The following PTPRD variants were observed in gnomAD, a reference collection of about 807,000 sequenced individuals.
PTPRD encodes receptor-type tyrosine-protein phosphatase delta.
In PTPRD, 34 loss-of-function variants were observed where a neutral mutation model predicts 214.5. That is an observed-to-expected ratio of 0.16 (90% CI 0.12 to 0.21). PTPRD has a LOEUF of 0.21. Among genes scored for constraint, PTPRD ranks in the 10% least tolerant of loss-of-function variants. PTPRD has a pLI of 1.00. For synonymous variants in PTPRD, 1,128 were observed against 845.7 expected, an observed-to-expected ratio of 1.33 and a Z score of -5.79; for missense variants, 2,545 against 2,398.7, an observed-to-expected ratio of 1.06 and a Z score of -1.27.
chr9:8,927,865 A>T (rs1227332575), intron 11 of PTPRD, among the ~76,000 whole-genome samples: 1 of 152,146 alleles, frequency 6.6e-6, no homozygotes, highest in East Asian at 1.9e-4. Flanking sequence ...CCTCTCCAGC[A>T]TCTGTTGTTT....
chr9:8,581,794 G>C (rs895233833), intron 14 of PTPRD, among the ~76,000 whole-genome samples: 1 of 148,454 alleles, frequency 6.7e-6, no homozygotes, highest in South Asian at 2.2e-4. Flanking sequence ...GGGAGGGGAG[G>C]AGAGGTGAGG....
rs759466922 is a variant in PTPRD at position 8,376,772 on chromosome 9, CTCTATTAACT to C, written c.4387-56_4387-47del. 2.8e-5 allele frequency: 45 copies of C among 1,605,210 alleles called. No homozygotes were observed. The East Asian group carries it at 5.8e-4, about 21-fold the overall frequency. On this transcript the variant is annotated intron_variant, in intron 37 of 45. Coordinates refer to ENST00000381196, the MANE Select transcript of PTPRD (RefSeq NM_002839.4). ...ATTCAGGGCAAATGCTCATCAATTT[CTCTATTAACT>C]TTGCTTTGAGTTGCTGTTGAAGGAA...
chr9:8,524,304 G>A lies in PTPRD; in HGVS notation c.679+621C>T, dbSNP rs137958473. Among the ~76,000 whole-genome samples the A allele has an allele frequency of 4.6e-3, 695 of 151,944 alleles. 13 individuals are homozygous for A. Among genetic ancestry groups the A allele is most frequent in the Admixed American group, 3.2e-3 (49 of 15,262 alleles). On this transcript the variant is annotated intron_variant, in intron 18 of 45. Transcript: ENST00000381196. ...TTGCAATCAAAAAACTAAATGTTTC[G>A]GTAAGTCTTAATAATTCAAACAAAA... is the stretch of plus-strand genomic sequence containing the variant.
chr9:9,793,569 T>G lies in PTPRD; in HGVS notation c.-367-26718A>C, dbSNP rs572532500. Among the ~76,000 whole-genome samples, 4 of 152,266 alleles carry G rather than the reference T, an allele frequency of 2.6e-5. No homozygotes were observed. In the South Asian group the frequency reaches 8.3e-4, roughly 32 times the overall value. ...TTTTATGCTGTTAAGAAAGATTATC[T>G]CTGTTAGTAAAAAGCATAAATTATT... On this transcript the variant is annotated intron_variant, in intron 5 of 45. Coordinates refer to ENST00000381196, the MANE Select transcript of PTPRD (RefSeq NM_002839.4).
intron 5 of PTPRD, among the ~76,000 whole-genome samples, chr9:9,813,784 A>T (rs1473895361): frequency 6.6e-6 from 1 of 152,136 alleles, no homozygotes. Context: ...TTACCCTCAT[A>T]CCAAACCCAG....
chr9:8,973,016 A>AG (rs1438664965), intron 11 of PTPRD, among the ~76,000 whole-genome samples: 1 of 151,792 alleles, frequency 6.6e-6, no homozygotes, highest in African/African-American at 2.4e-5. Context: ...GGGAGAAAAA[A>AG]AAAAAACACT....
chr9:9,207,461 G>A lies in PTPRD; in HGVS notation c.-202-24098C>T, dbSNP rs953334054. Reference sequence around the variant, plus strand: ...AATAGACAAATGAGTTAGGGAAACAGTTCAAAGAAAAAAAAGCCAAATAAA... The same window carrying A: ...AATAGACAAATGAGTTAGGGAAACAATTCAAAGAAAAAAAAGCCAAATAAA... On this transcript the variant is annotated intron_variant, in intron 9 of 45. Coordinates refer to ENST00000381196, the MANE Select transcript of PTPRD (RefSeq NM_002839.4). Among the ~76,000 whole-genome samples, 3 of 152,004 alleles carry A rather than the reference G, an allele frequency of 2.0e-5. No homozygotes were observed. In the South Asian group the frequency reaches 6.2e-4, roughly 32 times the overall value.
chr9:9,231,438 T>A (rs369244801), intron 9 of PTPRD, among the ~76,000 whole-genome samples: 1 of 152,150 alleles, frequency 6.6e-6, no homozygotes, highest in Non-Finnish European at 1.5e-5. Flanking sequence ...GGAACTGATA[T>A]AATAAATGGA....
intron 2 of PTPRD, among the ~76,000 whole-genome samples, 186 bp downstream of exon 2, chr9:10,612,208 CAAAA>C (rs35311745): frequency 2.9e-4 from 37 of 126,746 alleles, no homozygotes; most frequent in Admixed American, 6.6e-4. Flanking sequence ...AGGGCTCTTC[CAAAA>C]AAAAAAAAAA....
chr9:8,651,378 C>A (rs973118605), intron 12 of PTPRD, among the ~76,000 whole-genome samples: 2 of 152,072 alleles, frequency 1.3e-5, no homozygotes, highest in Admixed American at 1.3e-4. Context: ...TAGATGATAA[C>A]CCAAGGCCAT....
chr9:9,543,392 T>C (rs918401013), intron 8 of PTPRD, among the ~76,000 whole-genome samples: 10 of 151,660 alleles, frequency 6.6e-5, no homozygotes, highest in Non-Finnish European at 1.0e-4. Context: ...ATTCCAAAGG[T>C]ATAAGGTATA....
At chr9:10,448,651 C>CT (rs2098815912) in intron 2 of PTPRD, among the ~76,000 whole-genome samples, 1 of 151,958 alleles carries the variant, frequency 6.6e-6, no homozygotes, top group Non-Finnish European at 1.5e-5. Context: ...ATGAAAATTA[C>CT]TTTTTTCCTA....
intron 5 of PTPRD, among the ~76,000 whole-genome samples, chr9:9,875,638 G>T (rs1012346817): frequency 1.3e-5 from 2 of 152,018 alleles, no homozygotes; most frequent in African/African-American, 2.4e-5. Flanking sequence ...TGTCTTATCA[G>T]TTTGGAAACA....
chr9:8,504,941 G>C (rs918213517), intron 22 of PTPRD, among the ~76,000 whole-genome samples: 2 of 152,148 alleles, frequency 1.3e-5, no homozygotes, highest in Non-Finnish European at 2.9e-5. Flanking sequence ...ATTTGAAATT[G>C]CCAAGTTTTA....
chr9:10,547,009 T>C (rs2060304867), intron 2 of PTPRD, among the ~76,000 whole-genome samples: 1 of 152,086 alleles, frequency 6.6e-6, no homozygotes, highest in East Asian at 1.9e-4. Flanking sequence ...GGTCATCTGC[T>C]GTAGGGTTCA....
At chr9:10,235,364 ACT>A (rs1365325873) in intron 3 of PTPRD, among the ~76,000 whole-genome samples, 4 of 151,932 alleles carry the variant, frequency 2.6e-5, no homozygotes, top group African/African-American at 9.7e-5. Context: ...AACAATCATC[ACT>A]GTGTTCCATT....
chr9:9,486,318 C>T (rs1303284947), intron 8 of PTPRD, among the ~76,000 whole-genome samples: 2 of 152,070 alleles, frequency 1.3e-5, no homozygotes, highest in Non-Finnish European at 2.9e-5. Context: ...GCTGCTGTTT[C>T]AGTCTCTTTT....
At chr9:9,883,326 G>C (rs1270840592) in intron 5 of PTPRD, among the ~76,000 whole-genome samples, 2 of 151,986 alleles carry the variant, frequency 1.3e-5, no homozygotes, top group East Asian at 1.9e-4. Context: ...TCTTTATTCT[G>C]AGAGAAACGC....
intron 6 of PTPRD, among the ~76,000 whole-genome samples, chr9:9,745,983 G>C (rs1596558218): frequency 6.6e-6 from 1 of 151,890 alleles, no homozygotes; most frequent in East Asian, 1.9e-4. Context: ...GCTTGGGATG[G>C]GGAAAAAAAG....
Sources: allele counts gnomAD v4.1 joint callset (sites outside exome capture counted in the v4.1 genomes callset), GRCh38; gene constraint gnomAD v4.1.1; transcripts MANE v1.5; gene names NCBI Gene and HGNC (gene_info 2026-07-23, HGNC 2026-07-21).